SLC35A1: variants seen among roughly 807,000 people sequenced by gnomAD.
SLC35A1 encodes the protein solute carrier family 35 member A1.
A neutral mutation model predicts 40.3 loss-of-function variants in SLC35A1; 21 were observed. The ratio of observed to expected loss-of-function variants is 0.52; its 90% CI spans 0.37 to 0.75. SLC35A1 has a LOEUF of 0.75. Among genes scored for constraint, SLC35A1 ranks in the 30% least tolerant of loss-of-function variants. The probability of loss-of-function intolerance (pLI) is 0.00; values close to 1 mark genes in which losing one functional copy is unlikely to be tolerated. For missense variants in SLC35A1, 297 were observed against 382.1 expected, an observed-to-expected ratio of 0.78 and a Z score of 1.86; for synonymous variants, 146 against 147.3, an observed-to-expected ratio of 0.99 and a Z score of 0.06.
In SLC35A1 at chr6:87,511,483, A is replaced by T; in HGVS notation, c.971A>T (p.Gln324Leu). 4.3e-6 allele frequency: 7 copies of T among 1,613,998 alleles called. No individual in the cohort carries two copies. Among genetic ancestry groups the T allele is most frequent in the Non-Finnish European group, 5.9e-6 (7 of 1,179,954 alleles). ...CCCAGACAAGACACTACATCCATCC[A>T]ACAAGGAGAAACAGCTTCAAAGGAG... ...GLPRQDTTSI[Q>L]QGETASKERV... is the part of the protein sequence containing the mutation. Residue 324 changes from glutamine to leucine, a missense_variant, in exon 8 of 8, where the codon CAA (glutamine) becomes CTA (leucine). Coordinates refer to ENST00000369552, the MANE Select transcript of SLC35A1 (RefSeq NM_006416.5).
Position 87,501,295 on chromosome 6 carries a change from A to G in SLC35A1, c.492A>G (p.Gln164=). The G allele has an allele frequency of 6.2e-7, 1 of 1,613,956 alleles. No homozygotes were observed. The highest frequency in any genetic ancestry group is 8.5e-7 in the Non-Finnish European group (1 of 1,179,910). Residue 164 remains glutamine, a synonymous_variant, in exon 4 of 8, where the codon CAA becomes CAG. Transcript: ENST00000369552. ...CGCTTGTACAGTGGAAACCAGCCCAAGCTACAAAAGTGGTGGTAAGAAACA... is the reference window on the plus strand; with the variant it reads ...CGCTTGTACAGTGGAAACCAGCCCAGGCTACAAAAGTGGTGGTAAGAAACA... ...GVTLVQWKPA[Q]ATKVVVEQNP... is the part of the protein sequence containing the mutation.
intron 4 of SLC35A1, among the ~76,000 whole-genome samples, chr6:87,505,189 T>C (rs1361588027): frequency 6.6e-6 from 1 of 152,222 alleles, no homozygotes; most frequent in Non-Finnish European, 1.5e-5. Flanking sequence ...GCTTGCTCTC[T>C]CAGGTACCAT....
In SLC35A1 at chr6:87,509,066, C is replaced by T. The variant is rs929766277; in HGVS notation, c.777C>T (p.Tyr259=). The part of the protein sequence containing the change: ...VIFLASVGGL[Y]TSVVVKYTDN... ...TTCTTGCAAGTGTTGGTGGCCTCTA[C>T]ACTTCTGTTGTGGTTAAGTACACAG... The change falls in exon 7 of 8, where the codon TAC becomes TAT. Residue 259 remains tyrosine (Y), a synonymous_variant. Coordinates refer to ENST00000369552, the MANE Select transcript of SLC35A1 (RefSeq NM_006416.5). 21 of 1,613,962 alleles carry T rather than the reference C, an allele frequency of 1.3e-5. No individual in the cohort carries two copies. In the African/African-American group the frequency reaches 2.4e-4, roughly 18 times the overall value.
chr6:87,486,369 A>G (rs1284883672), intron 2 of SLC35A1, among the ~76,000 whole-genome samples: 2 of 152,204 alleles, frequency 1.3e-5, no homozygotes, highest in African/African-American at 4.8e-5. Flanking sequence ...GCAAATAGTC[A>G]TTCTAAGTTG....
intron 2 of SLC35A1, among the ~76,000 whole-genome samples, chr6:87,482,970 G>C (rs1769286604): frequency 1.3e-5 from 2 of 152,170 alleles, no homozygotes; most frequent in South Asian, 4.1e-4. Context: ...ACTGGGTTAA[G>C]GATTTTTGAT....
At chr6:87,495,806 C>T (rs13206485) in intron 2 of SLC35A1, among the ~76,000 whole-genome samples, 5,126 of 152,052 alleles carry the variant, frequency 0.034, 111 homozygotes, top group Middle Eastern at 0.065. Flanking sequence ...CAGGTGCATG[C>T]CACCACGCCC....
intron 2 of SLC35A1, among the ~76,000 whole-genome samples, chr6:87,491,381 T>C (rs971279978): frequency 6.6e-6 from 1 of 152,232 alleles, no homozygotes; most frequent in African/African-American, 2.4e-5. Context: ...AATCTTAGGC[T>C]GAGGGAAATT....
intron 2 of SLC35A1, among the ~76,000 whole-genome samples, chr6:87,483,289 A>T (rs1447440842): frequency 6.7e-6 from 1 of 149,748 alleles, no homozygotes; most frequent in East Asian, 2.0e-4. Context: ...CCAGCCGCTT[A>T]TGCTGCTGTT....
chr6:87,508,674 T>C (rs113233290), intron 6 of SLC35A1, 78 bp downstream of exon 6: 57 of 1,149,762 alleles, frequency 5.0e-5, no homozygotes, highest in African/African-American at 3.4e-4. Flanking sequence ...TAAGCTGTTA[T>C]AACATTTTGA....
intron 2 of SLC35A1, among the ~76,000 whole-genome samples, chr6:87,478,695 T>G (rs999798096): frequency 2.0e-5 from 3 of 152,208 alleles, no homozygotes; most frequent in African/African-American, 7.2e-5. Flanking sequence ...TGAAAAGGCT[T>G]ATACTAATCC....
chr6:87,483,163 GTCTC>G (rs902232733), intron 2 of SLC35A1, among the ~76,000 whole-genome samples: 283 of 151,384 alleles, frequency 1.9e-3, no homozygotes, highest in African/African-American at 6.6e-3. Context: ...ACTTCTCTCT[GTCTC>G]TCTCTCTCTC....
intron 4 of SLC35A1, among the ~76,000 whole-genome samples, chr6:87,505,457 A>G (rs189056742): frequency 1.3e-3 from 200 of 152,302 alleles, no homozygotes; most frequent in African/African-American, 4.4e-3. Context: ...ATACTTGTCA[A>G]TTTTGCCTAT....
chr6:87,504,390 G>A (rs1319479072), intron 4 of SLC35A1, among the ~76,000 whole-genome samples: 1 of 151,972 alleles, frequency 6.6e-6, no homozygotes, highest in African/African-American at 2.4e-5. Flanking sequence ...TCCTCTTGGT[G>A]ATCTGTACTT....
intron 4 of SLC35A1, among the ~76,000 whole-genome samples, chr6:87,501,797 A>AAGTCCTGATC (rs777910519): frequency 1.3e-5 from 2 of 152,226 alleles, no homozygotes; most frequent in Non-Finnish European, 2.9e-5. Flanking sequence ...TCAGGATGAC[A>AAGTCCTGATC]AGGGAAGGAG....
chr6:87,502,527 A>T (rs896182000), intron 4 of SLC35A1, among the ~76,000 whole-genome samples: 1 of 152,360 alleles, frequency 6.6e-6, no homozygotes, highest in East Asian at 1.9e-4. Context: ...TTCCTAGGCT[A>T]CAAACTTCTG....
chr6:87,497,236 T>C (rs1333466662), intron 2 of SLC35A1, among the ~76,000 whole-genome samples: 4 of 151,880 alleles, frequency 2.6e-5, no homozygotes, highest in Non-Finnish European at 5.9e-5. Flanking sequence ...TTATGTAACA[T>C]TGCTATAATC....
At chr6:87,508,046 A>G (rs1251395711) in intron 5 of SLC35A1, among the ~76,000 whole-genome samples, 1 of 152,162 alleles carries the variant, frequency 6.6e-6, no homozygotes, top group African/African-American at 2.4e-5. Flanking sequence ...TGTGATTAAG[A>G]TAATTCACTC....
At chr6:87,485,432 G>A (rs1376383651) in intron 2 of SLC35A1, among the ~76,000 whole-genome samples, 1 of 152,122 alleles carries the variant, frequency 6.6e-6, no homozygotes, top group Non-Finnish European at 1.5e-5. Flanking sequence ...TAAAGGTTTA[G>A]AACTTGAACT....
In SLC35A1 at chr6:87,472,987, G is replaced by C. The variant is rs745415177; in HGVS notation, c.-17G>C. 3.0e-6 allele frequency: 2 copies of C among 662,682 alleles called. No individual in the cohort carries two copies. The highest frequency in any genetic ancestry group is 4.6e-6 in the Non-Finnish European group (2 of 431,116). The allele number at this position is 662,682 out of a possible 1,614,324, so 41.1% of individuals were successfully genotyped here. On this transcript the variant is annotated 5_prime_UTR_variant, in exon 1 of 8. Coordinates refer to ENST00000369552, the MANE Select transcript of SLC35A1 (RefSeq NM_006416.5). Reference sequence around the variant, plus strand: ...GAGGGGGCGGGCGTCAGTTCCGCGGGGGGCTGTCGGGGAACCATGGCTGCC... The same window carrying C: ...GAGGGGGCGGGCGTCAGTTCCGCGGCGGGCTGTCGGGGAACCATGGCTGCC...
Sources: allele counts gnomAD v4.1 joint callset (sites outside exome capture counted in the v4.1 genomes callset), GRCh38; gene constraint gnomAD v4.1.1; transcripts MANE v1.5; gene names NCBI Gene and HGNC (gene_info 2026-07-23, HGNC 2026-07-21).